C4orf50: variants seen among roughly 807,000 people sequenced by gnomAD.
The protein encoded by C4orf50 is chromosome 4 open reading frame 50, also known as uncharacterized protein C4orf50.
In C4orf50, 80 loss-of-function variants were observed where a neutral mutation model predicts 77.2. That is an observed-to-expected ratio of 1.04 (90% CI 0.87 to 1.25). The LOEUF is 1.25. Among genes scored for constraint, C4orf50 ranks in the 50% most tolerant of loss-of-function variants. The pLI is 0.00. For synonymous variants in C4orf50, 532 were observed against 465.3 expected, an observed-to-expected ratio of 1.14 and a Z score of -1.84; for missense variants, 1,257 against 1,152.9, an observed-to-expected ratio of 1.09 and a Z score of -1.31.
At position 5,958,041 on chromosome 4, in the gene C4orf50, C is replaced by G. The variant is rs1406882620; in HGVS notation, c.*1334G>C. On this transcript the variant is annotated 3_prime_UTR_variant, in exon 34 of 34. Transcript: ENST00000531445. This position sits in a 1 kb window ranked among gnomAD's most constrained non-coding sequence, Gnocchi z 5.4. ...TTCCTTGTCCTTGTCCTTGTTTGTC[C>G]TTCCATGAAGGGACAGTCACTTCCA... is the stretch of plus-strand genomic sequence containing the variant. The G allele has an allele frequency of 6.6e-6, 1 of 152,228 alleles. No individual in the cohort carries two copies. Among genetic ancestry groups the G allele is most frequent in the Non-Finnish European group, 1.5e-5 (1 of 68,040 alleles). The allele number at this position is 152,228 out of a possible 1,614,324, so 9.4% of individuals were successfully genotyped here.
chr4:6,012,213 C>T (rs762785977), intron 23 of C4orf50, among the ~76,000 whole-genome samples: 87 of 152,240 alleles, frequency 5.7e-4, no homozygotes, highest in Non-Finnish European at 9.1e-4. Context: ...GTCCTCACAC[C>T]GAAGCCAGTA....
chr4:5,936,289 C>CGGT (rs1560550749), intron 7 of C4orf50, among the ~76,000 whole-genome samples: 1 of 151,736 alleles, frequency 6.6e-6, no homozygotes, highest in Non-Finnish European at 1.5e-5. Context: ...AGGATGGGTG[C>CGGT]GGTGGCTCAT....
exon 34 of C4orf50, chr4:5,957,877 T>C (rs1029243559): frequency 4.6e-5 from 7 of 152,270 alleles, no homozygotes; most frequent in African/African-American, 1.7e-4. Context: ...TTGTACAACA[T>C]AAGTCACATG....
intron 33 of C4orf50, among the ~76,000 whole-genome samples, chr4:5,964,629 A>G (rs756433595): frequency 2.6e-5 from 4 of 151,884 alleles, no homozygotes; most frequent in Non-Finnish European, 4.4e-5. Context: ...TTAGCCGGGC[A>G]TGGTGGTGGG....
At chr4:6,005,988 G>C (rs774549154) in intron 25 of C4orf50, among the ~76,000 whole-genome samples, 1 of 152,158 alleles carries the variant, frequency 6.6e-6, no homozygotes, top group Admixed American at 6.5e-5. Context: ...ATTACAGAGA[G>C]AATTTTAAAT....
exon 29 of C4orf50, chr4:5,980,232 G>A (rs911305144): frequency 2.5e-6 from 4 of 1,611,432 alleles, no homozygotes. Context: ...CTGGTGGGCA[G>A]CGCCCTGGTC....
chr4:5,956,130 G>GT (rs1718946836), downstream of C4orf50, among the ~76,000 whole-genome samples: 2 of 152,130 alleles, frequency 1.3e-5, no homozygotes, highest in African/African-American at 4.8e-5. Context: ...CATCAGAAAG[G>GT]GTCACACAGC....
exon 28 of C4orf50, chr4:5,990,706 T>G (rs1721233041): frequency 2.5e-6 from 1 of 398,978 alleles, no homozygotes; most frequent in East Asian, 3.6e-5. Flanking sequence ...AGCTGCTAGA[T>G]TCTCTGAAAT....
rs1407832953 is a variant in C4orf50, at chr4:5,962,642, C to G, written c.4275+2382G>C. Among the ~76,000 whole-genome samples, 4 of 152,220 alleles carry G rather than the reference C, an allele frequency of 2.6e-5. No individual in the cohort carries two copies. In the South Asian group the frequency reaches 8.3e-4, roughly 31 times the overall value. On this transcript the variant is annotated intron_variant, in intron 33 of 33. Coordinates refer to ENST00000531445, the Ensembl canonical transcript of C4orf50. Reference sequence around the variant, plus strand: ...ATGATCAGAGGGCCAGCTCCGGAGCCAGGTGCCCCTGGTTGGAAGCCCAGC... The same window carrying G: ...ATGATCAGAGGGCCAGCTCCGGAGCGAGGTGCCCCTGGTTGGAAGCCCAGC...
intron 28 of C4orf50, among the ~76,000 whole-genome samples, chr4:5,982,482 G>A (rs1021937895): frequency 1.3e-5 from 2 of 152,170 alleles, no homozygotes; most frequent in African/African-American, 4.8e-5. Context: ...ATGACAGGCA[G>A]GTAGTTCAAC....
At chr4:5,980,410 T>C (rs559445819) in intron 28 of C4orf50, 72 bp from the exon 7 acceptor site, 8 of 1,364,162 alleles carry the variant, frequency 5.9e-6, no homozygotes, top group South Asian at 1.4e-5. Flanking sequence ...CAACAAACGG[T>C]ACCCGTTTCC....
chr4:5,933,154 A>G (rs1349150848), intron 7 of C4orf50, among the ~76,000 whole-genome samples: 1 of 152,120 alleles, frequency 6.6e-6, no homozygotes, highest in East Asian at 1.9e-4. Context: ...CTTCCATGTC[A>G]TATCTTAGCT....
chr4:5,964,126 A>C (rs1163774298), intron 33 of C4orf50, among the ~76,000 whole-genome samples: 1 of 152,204 alleles, frequency 6.6e-6, no homozygotes, highest in Non-Finnish European at 1.5e-5. Context: ...AGCCAAGAAA[A>C]GCGAGCAGGG....
intron 33 of C4orf50, 130 bp downstream of exon 11, chr4:5,964,894 G>T: frequency 1.3e-5 from 9 of 714,428 alleles, no homozygotes; most frequent in Middle Eastern, 2.9e-4. Context: ...GGAGTCGATT[G>T]TGTTCTATTT....
intron 32 of C4orf50, among the ~76,000 whole-genome samples, chr4:5,965,596 G>T (rs1202731218): frequency 6.6e-6 from 1 of 152,234 alleles, no homozygotes; most frequent in Admixed American, 6.5e-5. Flanking sequence ...AAGAAGACTT[G>T]CCTGGGGCCA....
At chr4:5,987,843 T>G (rs932978277) in intron 28 of C4orf50, among the ~76,000 whole-genome samples, 1 of 151,922 alleles carries the variant, frequency 6.6e-6, no homozygotes, top group Non-Finnish European at 1.5e-5. Flanking sequence ...ATGAGGAGAG[T>G]GACTCAAGCG....
chr4:5,909,006 C>T (rs1294379243), intron 7 of C4orf50, among the ~76,000 whole-genome samples: 2 of 152,200 alleles, frequency 1.3e-5, no homozygotes, highest in Non-Finnish European at 2.9e-5. Context: ...TAACCAGGCT[C>T]CCTGCCTCAG....
At chr4:5,978,351 A>C (rs1424997344) in intron 29 of C4orf50, among the ~76,000 whole-genome samples, 1 of 152,234 alleles carries the variant, frequency 6.6e-6, no homozygotes, top group East Asian at 1.9e-4. Context: ...GAAATTCTCC[A>C]CCTGCAAAAT....
intron 7 of C4orf50, among the ~76,000 whole-genome samples, chr4:5,927,313 C>T (rs1290168720): frequency 2.0e-5 from 3 of 151,996 alleles, no homozygotes; most frequent in African/African-American, 7.2e-5. Context: ...CTGACCGCTC[C>T]CCACTCCAAC....
Sources: allele counts gnomAD v4.1 joint callset (sites outside exome capture counted in the v4.1 genomes callset), GRCh38; gene constraint gnomAD v4.1.1; non-coding constraint Gnocchi (gnomAD v3.1); transcripts MANE v1.5; gene names NCBI Gene and HGNC (gene_info 2026-07-23, HGNC 2026-07-21).